The following CWC27 variants were observed in gnomAD, a reference collection of about 807,000 sequenced individuals.
CWC27 encodes the protein CWC27 spliceosome associated cyclophilin.
Under a neutral mutation model 63.6 loss-of-function variants are expected in CWC27, and 47 were observed. The ratio of observed to expected loss-of-function variants is 0.74; its 90% CI spans 0.58 to 0.94. The LOEUF (loss-of-function observed/expected upper bound fraction) is 0.94, where lower values mean the gene tolerates loss of function less well. Ranked by LOEUF, CWC27 falls within the 40% of genes least tolerant of loss-of-function variation. The pLI, the probability that CWC27 is intolerant of heterozygous loss-of-function variation, is 0.00. For synonymous variants in CWC27, 175 were observed against 179.8 expected (o/e 0.97, Z 0.22); for missense variants, 495 against 554.3 (o/e 0.89, Z 1.07).
intron 13 of CWC27, among the ~76,000 whole-genome samples, chr5:65,014,038 C>T (rs1419104822): frequency 6.6e-6 from 1 of 151,764 alleles, no homozygotes; most frequent in Admixed American, 6.6e-5. Context: ...TTAGTGAAGT[C>T]AGTCAAGGTC....
intron 11 of CWC27, among the ~76,000 whole-genome samples, chr5:64,894,202 A>G (rs2112355236): frequency 1.3e-5 from 2 of 152,272 alleles, no homozygotes; most frequent in Middle Eastern, 6.8e-3. Flanking sequence ...TGCTGGGATT[A>G]TAGATGTGAG....
chr5:64,826,350 G>C (rs565772901), intron 10 of CWC27, among the ~76,000 whole-genome samples: 1 of 152,168 alleles, frequency 6.6e-6, no homozygotes, highest in African/African-American at 2.4e-5. Context: ...ATTGTGGTCA[G>C]AGGACATATT....
At chr5:64,819,513 T>C (rs888758878) in intron 10 of CWC27, among the ~76,000 whole-genome samples, 13 of 151,928 alleles carry the variant, frequency 8.6e-5, no homozygotes, top group East Asian at 3.9e-4. Flanking sequence ...CCTCGTGCTG[T>C]TCTCATGATA....
chr5:64,848,476 A>C (rs934020206), intron 10 of CWC27, among the ~76,000 whole-genome samples: 11 of 152,208 alleles, frequency 7.2e-5, no homozygotes, highest in African/African-American at 2.7e-4. Context: ...AATACTTTCA[A>C]ACCCTTTTTA....
chr5:64,769,251 G>A, intron 1 of CWC27, 63 bp downstream of exon 1: 2 of 1,491,172 alleles, frequency 1.3e-6, no homozygotes, highest in Non-Finnish European at 1.9e-6. Context: ...TCCCGGATTT[G>A]GGGTGGGGAG....
In CWC27 at chr5:64,835,545, C is replaced by T. The variant is rs528463135; in HGVS notation, c.938+31159C>T. Among the ~76,000 whole-genome samples the T allele has an allele frequency of 3.9e-5, 6 of 151,926 alleles. No individual in the cohort carries two copies. The South Asian group carries it at 1.2e-3, about 32-fold the overall frequency. On this transcript the variant is annotated intron_variant, in intron 10 of 13. Transcript: ENST00000381070. ...GCAGTGGAAATAGCTCTATATTTCT[C>T]TATGATGTGATCTTGCTAAATATAG...
At chr5:64,970,919 T>C (rs909384391) in intron 11 of CWC27, among the ~76,000 whole-genome samples, 11 of 151,730 alleles carry the variant, frequency 7.2e-5, no homozygotes, top group Non-Finnish European at 1.0e-4. Context: ...TGGCTTATCG[T>C]TTGTCTTCCA....
At chr5:64,974,074 GA>G (rs777922530) in intron 12 of CWC27, among the ~76,000 whole-genome samples, 5,511 of 129,510 alleles carry the variant, frequency 0.043, 248 homozygotes, top group African/African-American at 0.12. Context: ...CATCTCTACA[GA>G]AAAAAAAAAA....
rs542589847 is a variant in CWC27, at chr5:64,905,375, G to A, written c.1042+19829G>A. Among the ~76,000 whole-genome samples the A allele has an allele frequency of 3.2e-4, 48 of 152,016 alleles. 1 individual carries two copies. In the South Asian group the frequency reaches 5.0e-3, roughly 16 times the overall value. ...CTCCTGCCCCACTTTTCTGGCTTCT[G>A]GTCCATGCAGGGCCAGTTTCTTTAC... On this transcript the variant is annotated intron_variant, in intron 11 of 13. Coordinates refer to ENST00000381070, the MANE Select transcript of CWC27 (RefSeq NM_005869.4).
Position 64,784,507 on chromosome 5 carries a change from G to A in CWC27, c.396+528G>A, listed in dbSNP as rs190987303. On this transcript the variant is annotated intron_variant, in intron 4 of 13. Transcript: ENST00000381070. ...ATTCCCTTTAAAAAGGGATTCTGAA[G>A]GTTTTCTTCTCTCACTCTTCTCCAT... is the stretch of plus-strand genomic sequence containing the variant. 2.9e-3 allele frequency among the ~76,000 whole-genome samples: 439 copies of A among 152,176 alleles called. 1 individual carries two copies. The highest frequency in any genetic ancestry group is 4.7e-3 in the Non-Finnish European group (320 of 67,992).
intron 11 of CWC27, among the ~76,000 whole-genome samples, chr5:64,943,892 A>G (rs1160167259): frequency 6.6e-6 from 1 of 152,112 alleles, no homozygotes; most frequent in Non-Finnish European, 1.5e-5. Flanking sequence ...GCTGGCAAAG[A>G]GTGGAATTTC....
chr5:64,865,230 G>C (rs923752428), intron 10 of CWC27, among the ~76,000 whole-genome samples: 2 of 151,964 alleles, frequency 1.3e-5, no homozygotes, highest in African/African-American at 2.4e-5. Flanking sequence ...GCCCTTGGTT[G>C]TTAAATATTC....
intron 13 of CWC27, among the ~76,000 whole-genome samples, chr5:64,985,522 G>A (rs998662487): frequency 1.3e-5 from 2 of 152,018 alleles, no homozygotes; most frequent in Non-Finnish European, 2.9e-5. Flanking sequence ...CTTGTTTGTG[G>A]AGCTGTTATA....
At chr5:64,997,386 A>G (rs574636728) in intron 13 of CWC27, among the ~76,000 whole-genome samples, 2 of 152,264 alleles carry the variant, frequency 1.3e-5, no homozygotes, top group East Asian at 3.9e-4. Flanking sequence ...AGGGTTTAGT[A>G]TGGTGTCTGG....
intron 11 of CWC27, among the ~76,000 whole-genome samples, chr5:64,890,497 A>T (rs1349322843): frequency 6.6e-6 from 1 of 152,182 alleles, no homozygotes; most frequent in Non-Finnish European, 1.5e-5. Flanking sequence ...CTTATTGAGC[A>T]AACTGGTTCT....
Position 64,788,935 on chromosome 5 carries a change from C to A in CWC27, c.600-16C>A. The A allele has an allele frequency of 1.4e-6, 2 of 1,418,124 alleles. No individual in the cohort carries two copies. Among genetic ancestry groups the A allele is most frequent in the Non-Finnish European group, 1.9e-6 (2 of 1,053,784 alleles). 87.8% of individuals were successfully genotyped at this position (1,418,124 alleles called of 1,614,324 possible). On this transcript the variant is annotated splice_polypyrimidine_tract_variant and intron_variant, in intron 6 of 13. Transcript: ENST00000381070. Reference sequence around the variant, plus strand: ...TTTCTCTTTCTTTTTTTTTTTCTTTCTTTTTTTTGGACTAGAAATTTTAGT... The same window carrying A: ...TTTCTCTTTCTTTTTTTTTTTCTTTATTTTTTTTGGACTAGAAATTTTAGT...
chr5:64,982,651 T>C (rs981422469), intron 13 of CWC27, among the ~76,000 whole-genome samples: 2 of 152,136 alleles, frequency 1.3e-5, no homozygotes, highest in African/African-American at 2.4e-5. Flanking sequence ...CAGTTTAGTA[T>C]AGATGAACAC....
intron 10 of CWC27, among the ~76,000 whole-genome samples, chr5:64,854,097 G>A (rs1253354960): frequency 6.6e-6 from 1 of 152,112 alleles, no homozygotes; most frequent in Non-Finnish European, 1.5e-5. Flanking sequence ...TTTACTTAGC[G>A]TAATCTTCTC....
rs565624788 is a variant in CWC27 at position 64,818,987 on chromosome 5, T to C, written c.938+14601T>C. ...TAAAGATATTTGCTCCTAGGTTTTATGGTCAATTAATTAGTAATGAAAATA... is the reference window on the plus strand; with the variant it reads ...TAAAGATATTTGCTCCTAGGTTTTACGGTCAATTAATTAGTAATGAAAATA... On this transcript the variant is annotated intron_variant, in intron 10 of 13. Transcript: ENST00000381070. Among the ~76,000 whole-genome samples the C allele has an allele frequency of 3.2e-4, 48 of 152,324 alleles. 1 individual carries two copies. The highest frequency in any genetic ancestry group is 6.5e-4 in the Admixed American group (10 of 15,288).
Sources: allele counts gnomAD v4.1 joint callset (sites outside exome capture counted in the v4.1 genomes callset), GRCh38; gene constraint gnomAD v4.1.1; transcripts MANE v1.5; gene names NCBI Gene and HGNC (gene_info 2026-07-23, HGNC 2026-07-21).